The following SRPK2 variants were observed in gnomAD, a reference collection of about 807,000 sequenced individuals.
SRPK2 encodes the protein SRSF protein kinase 2, also known as SFRS protein kinase 2.
Under a neutral mutation model 90.8 loss-of-function variants are expected in SRPK2, and 21 were observed. That is an observed-to-expected ratio of 0.23 (90% CI 0.16 to 0.33). SRPK2 has a LOEUF of 0.33. Among genes scored for constraint, SRPK2 ranks in the 10% least tolerant of loss-of-function variants. The probability of loss-of-function intolerance (pLI) is 1.00; values close to 1 mark genes in which losing one functional copy is unlikely to be tolerated. For synonymous variants in SRPK2, 288 were observed against 311.1 expected (o/e 0.93, Z 0.78); for missense variants, 620 against 869.0 (o/e 0.71, Z 3.60).
intron 2 of SRPK2, among the ~76,000 whole-genome samples, chr7:105,361,637 A>G (rs1189079308): frequency 3.3e-5 from 5 of 152,200 alleles, no homozygotes; most frequent in African/African-American, 1.2e-4. Context: ...ATATAGATCA[A>G]TGGAACAGAA....
In SRPK2 at chr7:105,301,472, G is replaced by A. The variant is rs1412544783; in HGVS notation, c.71+87176C>T. 88 of 1,003,418 alleles carry A rather than the reference G, an allele frequency of 8.8e-5. 1 individual carries two copies. Among genetic ancestry groups the A allele is most frequent in the South Asian group, 2.0e-4 (16 of 78,636 alleles). 62.2% of individuals were successfully genotyped at this position (1,003,418 alleles called of 1,614,324 possible). ...GGGCCGCTGCCCTCGCTTTGTCTTC[G>A]TTGTTGCAAGCACCGTCCACTCAGG... On this transcript the variant is annotated intron_variant, in intron 2 of 15. Transcript: ENST00000393651.
intron 2 of SRPK2, chr7:105,301,372 C>A: frequency 1.7e-6 from 1 of 598,496 alleles, no homozygotes; most frequent in Non-Finnish European, 3.0e-6. Context: ...CAGGGGCACG[C>A]ACGATTGGCA....
At chr7:105,244,698 A>G in intron 2 of SRPK2, 2 of 1,147,542 alleles carry the variant, frequency 1.7e-6, no homozygotes, top group Non-Finnish European at 1.3e-6. Context: ...AAGGGCCAAA[A>G]GGTGACCAAG....
At chr7:105,237,238 A>C (rs1275868935) in intron 2 of SRPK2, among the ~76,000 whole-genome samples, 1 of 152,228 alleles carries the variant, frequency 6.6e-6, no homozygotes, top group Non-Finnish European at 1.5e-5. Flanking sequence ...TTTTATTTTG[A>C]AAAATTAAAG....
At chr7:105,344,448 A>G (rs1011675882) in intron 2 of SRPK2, among the ~76,000 whole-genome samples, 1 of 125,434 alleles carries the variant, frequency 8.0e-6, no homozygotes, top group Non-Finnish European at 1.6e-5. Context: ...GAGATAGGAT[A>G]TCACTATATT....
At chr7:105,275,813 T>C (rs1486225276) in intron 2 of SRPK2, among the ~76,000 whole-genome samples, 4 of 152,060 alleles carry the variant, frequency 2.6e-5, no homozygotes, top group Non-Finnish European at 5.9e-5. Flanking sequence ...GAGGGGAACA[T>C]AAGAACACAC....
At chr7:105,317,509 T>C (rs1020837305) in intron 2 of SRPK2, among the ~76,000 whole-genome samples, 14 of 152,200 alleles carry the variant, frequency 9.2e-5, no homozygotes, top group African/African-American at 3.1e-4. Flanking sequence ...CAAGCCTTGG[T>C]TATTCAAATT....
At chr7:105,253,243 T>A (rs1802735779) in intron 2 of SRPK2, among the ~76,000 whole-genome samples, 1 of 152,204 alleles carries the variant, frequency 6.6e-6, no homozygotes, top group South Asian at 2.1e-4. Flanking sequence ...AATGCTGCCA[T>A]AATATTCCCA....
At chr7:105,140,418 T>C (rs748707993) in intron 11 of SRPK2, among the ~76,000 whole-genome samples, 16 of 151,748 alleles carry the variant, frequency 1.1e-4, no homozygotes, top group African/African-American at 2.2e-4. Context: ...CTGGCCAACA[T>C]GGTGAAGCTC....
intron 2 of SRPK2, among the ~76,000 whole-genome samples, chr7:105,280,968 A>C (rs1378459514): frequency 1.4e-5 from 2 of 147,830 alleles, no homozygotes; most frequent in African/African-American, 4.9e-5. Flanking sequence ...AAAAAAAAAA[A>C]AAAAAAAAAA....
intron 2 of SRPK2, among the ~76,000 whole-genome samples, chr7:105,292,041 G>A (rs925420509): frequency 2.6e-5 from 4 of 152,182 alleles, no homozygotes; most frequent in East Asian, 1.9e-4. Flanking sequence ...TAGTTTTCCC[G>A]TTGCTCTCAC....
At chr7:105,209,098 T>C (rs886790322) in intron 2 of SRPK2, among the ~76,000 whole-genome samples, 13 of 152,234 alleles carry the variant, frequency 8.5e-5, no homozygotes, top group African/African-American at 2.9e-4. Flanking sequence ...GCAATCAATA[T>C]GCATAGTCTC....
intron 2 of SRPK2, among the ~76,000 whole-genome samples, chr7:105,254,360 T>C (rs1269291717): frequency 7.9e-5 from 12 of 152,224 alleles, no homozygotes; most frequent in Admixed American, 7.9e-4. Context: ...GGTTCTCTTA[T>C]ACACTGCCAA....
intron 2 of SRPK2, among the ~76,000 whole-genome samples, chr7:105,387,772 T>G (rs62484715): frequency 1.6e-4 from 25 of 152,124 alleles, no homozygotes; most frequent in Non-Finnish European, 3.2e-4. Context: ...CGAACGCTGG[T>G]AAATCAAAAA....
At chr7:105,247,042 T>A (rs1384423147) in intron 2 of SRPK2, among the ~76,000 whole-genome samples, 1 of 152,186 alleles carries the variant, frequency 6.6e-6, no homozygotes, top group East Asian at 1.9e-4. Flanking sequence ...TCACATTCAG[T>A]CTTCTGTAGA....
At chr7:105,206,249 A>T (rs1480248003) in intron 2 of SRPK2, among the ~76,000 whole-genome samples, 1 of 151,552 alleles carries the variant, frequency 6.6e-6, no homozygotes, top group African/African-American at 2.4e-5. Context: ...ATTGAGAACC[A>T]GTGCACTAGT....
chr7:105,121,924 A>G (rs551331846), intron 15 of SRPK2, among the ~76,000 whole-genome samples: 72 of 152,344 alleles, frequency 4.7e-4, no homozygotes, highest in African/African-American at 1.7e-3. Flanking sequence ...CTAAAGGCAA[A>G]TCCTGGACTA....
At chr7:105,258,417 C>CA (rs33941320) in intron 2 of SRPK2, among the ~76,000 whole-genome samples, 45,712 of 121,072 alleles carry the variant, frequency 0.38, 9,425 homozygotes, top group Non-Finnish European at 0.48. Flanking sequence ...AACTCGGTCT[C>CA]AAAAAAAAAA....
chr7:105,247,252 G>A (rs1170775186), intron 2 of SRPK2, among the ~76,000 whole-genome samples: 2 of 152,128 alleles, frequency 1.3e-5, no homozygotes, highest in Non-Finnish European at 2.9e-5. Flanking sequence ...TGTTGTAAAA[G>A]AGACAATTCA....
Sources: allele counts gnomAD v4.1 joint callset (sites outside exome capture counted in the v4.1 genomes callset), GRCh38; gene constraint gnomAD v4.1.1; transcripts MANE v1.5; gene names NCBI Gene and HGNC (gene_info 2026-07-23, HGNC 2026-07-21).